SLC1A2: variants seen among roughly 807,000 people sequenced by gnomAD.
SLC1A2 encodes the protein solute carrier family 1 member 2.
In SLC1A2, 15 loss-of-function variants were observed where a neutral mutation model predicts 48.8. The observed-to-expected ratio is 0.31, with a 90% CI of 0.21 to 0.47. The LOEUF (loss-of-function observed/expected upper bound fraction) is 0.47, where lower values mean the gene tolerates loss of function less well. Ranked by LOEUF, SLC1A2 falls within the 20% of genes least tolerant of loss-of-function variation. The probability of loss-of-function intolerance (pLI) is 0.99; values close to 1 mark genes in which losing one functional copy is unlikely to be tolerated. For synonymous variants in SLC1A2, 279 were observed against 272.6 expected, an observed-to-expected ratio of 1.02 and a Z score of -0.23; for missense variants, 502 against 730.5, an observed-to-expected ratio of 0.69 and a Z score of 3.61.
intron 1 of SLC1A2, among the ~76,000 whole-genome samples, chr11:35,357,766 C>T (rs1245837922): frequency 1.3e-5 from 2 of 152,092 alleles, no homozygotes; most frequent in South Asian, 2.1e-4. Flanking sequence ...TAAGAGTGAC[C>T]ATTAGGACAA....
intron 5 of SLC1A2, among the ~76,000 whole-genome samples, chr11:35,303,817 A>T (rs1438947897): frequency 6.6e-6 from 1 of 152,108 alleles, no homozygotes; most frequent in Non-Finnish European, 1.5e-5. Flanking sequence ...TCCTTAAAGA[A>T]GTGGGAGGCA....
At chr11:35,366,088 A>G (rs183570117) in intron 1 of SLC1A2, among the ~76,000 whole-genome samples, 25 of 152,338 alleles carry the variant, frequency 1.6e-4, no homozygotes, top group Admixed American at 9.8e-4. Flanking sequence ...TCAGTTAACC[A>G]TCTATTACAT....
In SLC1A2 at chr11:35,419,327, T is replaced by A. The variant is rs1406280703; in HGVS notation, c.-361A>T. The A allele has an allele frequency of 4.0e-6, 1 of 247,740 alleles. No individual in the cohort carries two copies. The highest frequency in any genetic ancestry group is 5.6e-5 in the Admixed American group (1 of 17,832). The allele number at this position is 247,740 out of a possible 1,614,324, so 15.3% of individuals were successfully genotyped here. On this transcript the variant is annotated 5_prime_UTR_variant, in exon 1 of 11. Coordinates refer to ENST00000278379, the MANE Select transcript of SLC1A2 (RefSeq NM_004171.4). The surrounding 1 kb of genome is among the most constrained non-coding windows in gnomAD (Gnocchi z 5.4). ...ATGCGCCCCTGCAGCCGCTGCCACC[T>A]GTGCTTTGCTGCGGGGCTCGCGGGC...
chr11:35,391,824 A>T (rs1854778141), intron 1 of SLC1A2, among the ~76,000 whole-genome samples: 1 of 152,198 alleles, frequency 6.6e-6, no homozygotes, highest in Non-Finnish European at 1.5e-5. Context: ...TTTCACTTTC[A>T]ACCCTCAAAC....
In SLC1A2 at chr11:35,253,710, A is replaced by G. The variant is rs1000935034; in HGVS notation, c.*7184T>C. ...GTTCTTAAATTTGTCAAATGTGACT[A>G]TATAGTCAAGAAACAATTGGTAGCT... On this transcript the variant is annotated 3_prime_UTR_variant, in exon 11 of 11. Transcript: ENST00000278379. The G allele has an allele frequency of 6.6e-6, 1 of 152,652 alleles. No homozygotes were observed. Among genetic ancestry groups the G allele is most frequent in the Non-Finnish European group, 1.5e-5 (1 of 68,030 alleles). 9.5% of individuals were successfully genotyped at this position (152,652 alleles called of 1,614,324 possible).
intron 2 of SLC1A2, chr11:35,316,371 G>T (rs1453094015): frequency 6.6e-6 from 1 of 152,222 alleles, no homozygotes; most frequent in African/African-American, 2.4e-5. Flanking sequence ...CTGAAAGCCT[G>T]ATTTTTTTTC....
At chr11:35,310,898 G>T (rs1380857271) in intron 4 of SLC1A2, among the ~76,000 whole-genome samples, 1 of 152,112 alleles carries the variant, frequency 6.6e-6, no homozygotes, top group Non-Finnish European at 1.5e-5. Flanking sequence ...ACATTGCTAA[G>T]GAATCTGTAC....
chr11:35,395,208 A>G (rs1303577552), intron 1 of SLC1A2, among the ~76,000 whole-genome samples: 1 of 151,708 alleles, frequency 6.6e-6, no homozygotes, highest in East Asian at 1.9e-4. Flanking sequence ...ACCTCAAGCC[A>G]TGCACCAACA....
chr11:35,374,296 C>G (rs1018362153), intron 1 of SLC1A2: 1 of 1,036,234 alleles, frequency 9.7e-7, no homozygotes, highest in African/African-American at 1.6e-5. Flanking sequence ...GATGTGGCCA[C>G]AGAATTCTCT....
At chr11:35,322,840 C>T in intron 1 of SLC1A2, 1 of 677,090 alleles carries the variant, frequency 1.5e-6, no homozygotes, top group African/African-American at 1.8e-5. Flanking sequence ...CAGGGTTTCC[C>T]CCAGCTCCTT....
chr11:35,380,746 T>C (rs1318156848), intron 1 of SLC1A2, among the ~76,000 whole-genome samples: 1 of 152,214 alleles, frequency 6.6e-6, no homozygotes, highest in Non-Finnish European at 1.5e-5. Flanking sequence ...GGGGAGTGTG[T>C]GGGTGTCTGC....
chr11:35,412,557 AC>A (rs1855492572), intron 1 of SLC1A2, among the ~76,000 whole-genome samples: 1 of 152,178 alleles, frequency 6.6e-6, no homozygotes, highest in Admixed American at 6.5e-5. Context: ...ACACAGAAAT[AC>A]GCCTCTGAAA....
intron 10 of SLC1A2, among the ~76,000 whole-genome samples, chr11:35,263,660 AAATAT>A (rs1950432406): frequency 6.6e-6 from 1 of 152,212 alleles, no homozygotes; most frequent in Non-Finnish European, 1.5e-5. Context: ...GATTCTTCTC[AAATAT>A]AATTATGAAA....
intron 1 of SLC1A2, among the ~76,000 whole-genome samples, chr11:35,396,557 A>T (rs1296989135): frequency 1.3e-5 from 2 of 150,510 alleles, no homozygotes; most frequent in South Asian, 2.1e-4. Context: ...GTTTGAGTTC[A>T]TTGTAGATTC....
At chr11:35,404,005 G>A (rs570185050) in intron 1 of SLC1A2, among the ~76,000 whole-genome samples, 11 of 145,966 alleles carry the variant, frequency 7.5e-5, no homozygotes, top group African/African-American at 2.5e-4. Context: ...CTCCACGGGC[G>A]CCTCCTAAGG....
At chr11:35,311,221 A>G (rs374386255) in intron 4 of SLC1A2, among the ~76,000 whole-genome samples, 2 of 152,124 alleles carry the variant, frequency 1.3e-5, no homozygotes, top group South Asian at 2.1e-4. Context: ...GCTGGAGTGC[A>G]GTGGCTCTGC....
At chr11:35,355,474 G>A (rs1853421914) in intron 1 of SLC1A2, among the ~76,000 whole-genome samples, 1 of 152,194 alleles carries the variant, frequency 6.6e-6, no homozygotes, top group African/African-American at 2.4e-5. Context: ...GGGAAAAAAA[G>A]CATCCATGGG....
chr11:35,348,310 C>T (rs1473963733), intron 1 of SLC1A2, among the ~76,000 whole-genome samples: 2 of 152,136 alleles, frequency 1.3e-5, no homozygotes, highest in Non-Finnish European at 2.9e-5. Flanking sequence ...AAAAAACTGT[C>T]TAAAATTGAA....
At chr11:35,385,964 T>G (rs1854572714) in intron 1 of SLC1A2, among the ~76,000 whole-genome samples, 1 of 152,004 alleles carries the variant, frequency 6.6e-6, no homozygotes. Flanking sequence ...TCAGGAGATC[T>G]AGACCATCCT....
Sources: allele counts gnomAD v4.1 joint callset (sites outside exome capture counted in the v4.1 genomes callset), GRCh38; gene constraint gnomAD v4.1.1; non-coding constraint Gnocchi (gnomAD v3.1); transcripts MANE v1.5; gene names NCBI Gene and HGNC (gene_info 2026-07-23, HGNC 2026-07-21).